Variants in IFT172 observed in about 807,000 individuals in gnomAD.
The protein encoded by IFT172 is intraflagellar transport protein 172 homolog.
In IFT172, 164 loss-of-function variants were observed where a neutral mutation model predicts 248.9. That is an observed-to-expected ratio of 0.66 (90% confidence interval 0.58 to 0.75). The LOEUF is 0.75. IFT172 is among the 30% of genes least tolerant of loss of function. IFT172 has a pLI of 0.00. For synonymous variants in IFT172, 729 were observed against 791.6 expected (o/e 0.92, Z 1.33); for missense variants, 1,950 against 2,192.4 (o/e 0.89, Z 2.21).
chr2:27,461,711 T>C lies in IFT172; in HGVS notation c.2193+48A>G, dbSNP rs183426674. The C allele has an allele frequency of 6.8e-6, 11 of 1,611,982 alleles. No individual in the cohort carries two copies. The Admixed American group carries it at 1.7e-4, about 24-fold the overall frequency. On this transcript the variant is annotated intron_variant, in intron 21 of 47. Transcript: ENST00000260570. ...CCTTGACAAAAGGAGGTTTTTGAAA[T>C]TGGCAGAACCAAATTCTGAACAACT...
rs917217201 is a variant in IFT172 at position 27,458,278 on chromosome 2, G to A, written c.2878-55C>T. ...AGATCCAATTCCCCAGGGAAGCAGG[G>A]CTTCAAGGAAACCTGCTTGTTCAGA... is the stretch of plus-strand genomic sequence containing the variant. On this transcript the variant is annotated intron_variant, in intron 26 of 47. Coordinates refer to ENST00000260570, the MANE Select transcript of IFT172 (RefSeq NM_015662.3). 42 of 1,451,860 alleles carry A rather than the reference G, an allele frequency of 2.9e-5. No individual in the cohort carries two copies. In the Admixed American group the frequency reaches 6.9e-4, roughly 24 times the overall value. 89.9% of individuals were successfully genotyped at this position (1,451,860 alleles called of 1,614,324 possible). A position where few individuals can be genotyped will look rare whatever the true frequency, so the allele number is the denominator to read the frequency against.
chr2:27,461,795 G>T lies in IFT172; in HGVS notation c.2157C>A (p.His719Gln). Residue 719 changes from histidine (H) to glutamine (Q), a missense_variant, in exon 21 of 48, where the codon CAC becomes CAA. Physicochemically the swap from His to Gln is conservative, Grantham distance 24. Coordinates refer to ENST00000260570, the MANE Select transcript of IFT172 (RefSeq NM_015662.3). ...CCACAGCGATACACTCATCCCAACGGTGTAGCTCCTGGTACATGCCCATGG... is the reference window on the plus strand; with the variant it reads ...CCACAGCGATACACTCATCCCAACGTTGTAGCTCCTGGTACATGCCCATGG... ...EEAMGMYQEL[H>Q]RWDECIAVAE... The T allele has an allele frequency of 6.2e-7, 1 of 1,614,140 alleles. No homozygotes were observed. The highest frequency in any genetic ancestry group is 8.5e-7 in the Non-Finnish European group (1 of 1,180,020).
Position 27,449,706 on chromosome 2 carries a change from T to C in IFT172, c.4145A>G (p.Lys1382Arg). The C allele has an allele frequency of 2.5e-6, 4 of 1,613,304 alleles. No individual in the cohort carries two copies. The highest frequency in any genetic ancestry group is 2.5e-6 in the Non-Finnish European group (3 of 1,179,438). Reference sequence around the variant, plus strand: ...ACAAGCTTACCTGGGATCTAACTCCTTAGCTACACGCTTCGCCTTGTTCCA... The same window carrying C: ...ACAAGCTTACCTGGGATCTAACTCCCTAGCTACACGCTTCGCCTTGTTCCA... ...EEWNKAKRVA[K>R]ELDPRYEDYV... Residue 1382 changes from lysine to arginine, a missense_variant, in exon 37 of 48, where the codon AAG (lysine) becomes AGG (arginine). This residue lies in a region of IFT172 where 620 missense variants were observed against 699.0 expected (regional missense o/e 0.89). Coordinates refer to ENST00000260570, the MANE Select transcript of IFT172 (RefSeq NM_015662.3).
chr2:27,457,671 G>A lies in IFT172; in HGVS notation c.3196C>T (p.Arg1066Trp), dbSNP rs148997142. 23 of 1,614,040 alleles carry A rather than the reference G, an allele frequency of 1.4e-5. No individual in the cohort carries two copies. Among genetic ancestry groups the A allele is most frequent in the Middle Eastern group, 1.6e-4 (1 of 6,074 alleles). The change falls in exon 29 of 48, where the codon CGG becomes TGG. Residue 1066 changes from arginine (R) to tryptophan (W), a missense_variant. This residue lies in a region of IFT172 where 164 missense variants were observed against 239.3 expected (regional missense o/e 0.69). Coordinates refer to ENST00000260570, the MANE Select transcript of IFT172 (RefSeq NM_015662.3). ...GCCTCTTCCCAAAGCCCACTGGCCC[G>A]GTACATGTTCACTGTTGCCTTCCAT... ...QEWKATVNMY[R>W]ASGLWEEAYR...
rs1357266863 is a variant in IFT172 at position 27,463,125 on chromosome 2, T to A, written c.1994A>T (p.Glu665Val). The change falls in exon 19 of 48, where the codon GAG becomes GTG. Residue 665 changes from glutamate (E) to valine (V), a missense_variant. By Grantham distance (121) the Glu-to-Val change is moderately radical. Coordinates refer to ENST00000260570, the MANE Select transcript of IFT172 (RefSeq NM_015662.3). The part of the protein sequence containing the change: ...AKARFLHETN[E>V]IADQVSREYG... ...TTCCCGGGATACTTGATCTGCAATC[T>A]CATTGGTCTCATGCAGGAATCGAGC... 2 of 1,614,178 alleles carry A rather than the reference T, an allele frequency of 1.2e-6. No individual in the cohort carries two copies. The highest frequency in any genetic ancestry group is 1.7e-5 in the Admixed American group (1 of 60,020).
intron 16 of IFT172, among the ~76,000 whole-genome samples, chr2:27,467,616 A>G (rs113757893): frequency 7.1e-6 from 1 of 140,018 alleles, no homozygotes; most frequent in South Asian, 2.2e-4. Flanking sequence ...CTGTCTCCAA[A>G]AAAAAAAAAA....
rs541096784 is a variant in IFT172 at position 27,476,577 on chromosome 2, G to A, written c.1411+64C>T. Reference sequence around the variant, plus strand: ...TGCATTCCCCACTGAATGCAATCCTGTGGTATGGAAGTGTGATATAAACAT... The same window carrying A: ...TGCATTCCCCACTGAATGCAATCCTATGGTATGGAAGTGTGATATAAACAT... On this transcript the variant is annotated intron_variant, in intron 14 of 47. Coordinates refer to ENST00000260570, the MANE Select transcript of IFT172 (RefSeq NM_015662.3). 23 of 994,866 alleles carry A rather than the reference G, an allele frequency of 2.3e-5. 1 individual carries two copies. In the South Asian group the frequency reaches 3.2e-4, roughly 14 times the overall value. 61.6% of individuals were successfully genotyped at this position (994,866 alleles called of 1,614,324 possible). A position where few individuals can be genotyped will look rare whatever the true frequency, so the allele number is the denominator to read the frequency against.
At chr2:27,470,296 TAA>T (rs1667460354) in intron 16 of IFT172, among the ~76,000 whole-genome samples, 1 of 139,784 alleles carries the variant, frequency 7.2e-6, no homozygotes, top group Non-Finnish European at 1.6e-5. Context: ...GAAGAAAGAG[TAA>T]AAGAGAGAAG....
rs547364300 is a variant in IFT172 at position 27,486,969 on chromosome 2, G to T, written c.40-1466C>A. Among the ~76,000 whole-genome samples, 4 of 150,758 alleles carry T rather than the reference G, an allele frequency of 2.7e-5. No individual in the cohort carries two copies. The East Asian group carries it at 7.7e-4, about 29-fold the overall frequency. ...TCCTTCTTTTTTTTTTTTTGACGGA[G>T]TCTCACTCTGTCCCCCAGACTGGAG... On this transcript the variant is annotated intron_variant, in intron 1 of 47. Transcript: ENST00000260570.
chr2:27,445,865 T>C lies in IFT172; in HGVS notation c.4816-22A>G. ...TTGCCTGCAGTAGAGTGGGCAACCA[T>C]GAACTAGGCACAGCTCGCGACTGGC... On this transcript the variant is annotated intron_variant, in intron 44 of 47. Transcript: ENST00000260570. This position sits in a 1 kb window ranked among gnomAD's most constrained non-coding sequence, Gnocchi z 4.4. The C allele has an allele frequency of 3.1e-6, 5 of 1,614,062 alleles. No homozygotes were observed. Among genetic ancestry groups the C allele is most frequent in the Non-Finnish European group, 4.2e-6 (5 of 1,179,990 alleles).
At chr2:27,456,066 G>T (rs927149576) in intron 30 of IFT172, among the ~76,000 whole-genome samples, 6 of 152,042 alleles carry the variant, frequency 3.9e-5, no homozygotes, top group Non-Finnish European at 8.8e-5. Flanking sequence ...ACAAAAATTA[G>T]ATGGGCGTGG....
At chr2:27,449,244 G>A in intron 39 of IFT172, 50 bp downstream of exon 39, 1 of 1,603,268 alleles carries the variant, frequency 6.2e-7, no homozygotes, top group Non-Finnish European at 8.5e-7. Flanking sequence ...GGCAGGTGGG[G>A]AATCAAGGGA....
rs370619835 is a variant in IFT172, at chr2:27,447,470, A to G, written c.4659+45T>C. 3 of 1,601,962 alleles carry G rather than the reference A, an allele frequency of 1.9e-6. No individual in the cohort carries two copies. In the African/African-American group the frequency reaches 4.0e-5, roughly 21 times the overall value. Reference sequence around the variant, plus strand: ...TCAATTCAGCTTTATACATTTGCAGATGAGCCCTTCTGACTGAGTGTTCCT... The same window carrying G: ...TCAATTCAGCTTTATACATTTGCAGGTGAGCCCTTCTGACTGAGTGTTCCT... On this transcript the variant is annotated intron_variant, in intron 42 of 47. Transcript: ENST00000260570.
At position 27,477,574 on chromosome 2, in the gene IFT172, G is replaced by T; in HGVS notation, c.1206C>A (p.Phe402Leu). The T allele has an allele frequency of 6.2e-7, 1 of 1,609,374 alleles. No individual in the cohort carries two copies. Among genetic ancestry groups the T allele is most frequent in the Non-Finnish European group, 8.5e-7 (1 of 1,175,608 alleles). ...CTCTACTCACATTCTCATTTTCAAA[G>T]AAATACTTCTCATTGCCACCAGATC... Reference protein sequence around the residue: ...WQGSGGNEKYFFENENVCMIF... With the variant: ...WQGSGGNEKYLFENENVCMIF... The change falls in exon 12 of 48, where the codon TTC becomes TTA. Residue 402 changes from phenylalanine (F) to leucine (L), a missense_variant. Physicochemically the swap from Phe to Leu is conservative, Grantham distance 22 (BLOSUM62 0). Transcript: ENST00000260570.
chr2:27,454,724 C>A lies in IFT172; in HGVS notation c.3372-64G>T, dbSNP rs1005303690. 4 of 1,385,472 alleles carry A rather than the reference C, an allele frequency of 2.9e-6. No individual in the cohort carries two copies. The African/African-American group carries it at 5.7e-5, about 20-fold the overall frequency. The allele number at this position is 1,385,472 out of a possible 1,614,324, so 85.8% of individuals were successfully genotyped here. A position where few individuals can be genotyped will look rare whatever the true frequency, so the allele number is the denominator to read the frequency against. ...GCTTCCCTTCATAAAAGGAACAAGA[C>A]AAAACAGAGAAAGGACAGAGTTGAG... On this transcript the variant is annotated intron_variant, in intron 30 of 47. Coordinates refer to ENST00000260570, the MANE Select transcript of IFT172 (RefSeq NM_015662.3). This position sits in a 1 kb window ranked among gnomAD's most constrained non-coding sequence, Gnocchi z 4.2.
intron 4 of IFT172, 31 bp downstream of exon 4, chr2:27,484,196 C>G (rs758365867): frequency 6.2e-7 from 1 of 1,613,826 alleles, no homozygotes; most frequent in South Asian, 1.1e-5. Flanking sequence ...TTTGTTCATC[C>G]TAAGGTTCCA....
rs780205001 is a variant in IFT172 at position 27,485,376 on chromosome 2, T to C, written c.167A>G (p.Lys56Arg). 1.2e-6 allele frequency: 2 copies of C among 1,614,086 alleles called. No individual in the cohort carries two copies. The highest frequency in any genetic ancestry group is 4.5e-5 in the East Asian group (2 of 44,878). ...ACTGTTTACCTTCATGTCAGCTGGT[T>C]TGGTGGAGAATTTATCTCTCCGTTC... ...HGERRDKFST[K>R]PADMKYGRKS... Residue 56 changes from lysine to arginine, a missense_variant, in exon 2 of 48, where the codon AAA becomes AGA. Transcript: ENST00000260570.
chr2:27,484,239 C>T lies in IFT172; in HGVS notation c.324G>A (p.Lys108=). 6.2e-7 allele frequency: 1 copy of T among 1,614,006 alleles called. No individual in the cohort carries two copies. The part of the protein sequence containing the change: ...DWGDKKVICN[K]FIQTSAVTCL... The stretch of plus-strand genomic sequence containing the variant: ...GTCTGAACTTTACCGTCTGGATGAA[C>T]TTGTTGCAGATGACTTTCTTGTCAC... Residue 108 remains lysine, a synonymous_variant, in exon 4 of 48, where the codon AAG becomes AAA. Coordinates refer to ENST00000260570, the MANE Select transcript of IFT172 (RefSeq NM_015662.3).
chr2:27,458,885 GT>G lies in IFT172; in HGVS notation c.2788-18del. On this transcript the variant is annotated intron_variant, in intron 25 of 47. Coordinates refer to ENST00000260570, the MANE Select transcript of IFT172 (RefSeq NM_015662.3). Reference sequence around the variant, plus strand: ...CTCAGCAATCTGTAGTTGATGGGAGGTAGATACAAAAGGTCAGAGCAACAGA... The same window carrying G: ...CTCAGCAATCTGTAGTTGATGGGAGGAGATACAAAAGGTCAGAGCAACAGA... 1 of 1,613,268 alleles carries G rather than the reference GT, an allele frequency of 6.2e-7. No homozygotes were observed. Among genetic ancestry groups the G allele is most frequent in the Non-Finnish European group, 8.5e-7 (1 of 1,179,642 alleles).
Sources: gnomAD v4.1 joint callset for allele counts (sites outside exome capture counted in the v4.1 genomes callset) on GRCh38, gnomAD v4.1.1 for gene constraint, gnomAD v4.1.1 regional missense constraint, Gnocchi (gnomAD v3.1) non-coding constraint, MANE v1.5 for transcripts, NCBI Gene and HGNC (gene_info 2026-07-23, HGNC 2026-07-21) for gene names.